The following PFKFB3 variants were observed in gnomAD, a reference collection of about 807,000 sequenced individuals.
The protein encoded by PFKFB3 is 6-phosphofructo-2-kinase/fructose-2,6-biphosphatase 3.
In PFKFB3, 33 loss-of-function variants were observed where a neutral mutation model predicts 68.0. That is an observed-to-expected ratio of 0.49 (90% CI 0.37 to 0.65). PFKFB3 has a LOEUF of 0.65. Among genes scored for constraint, PFKFB3 ranks in the 30% least tolerant of loss-of-function variants. PFKFB3 has a pLI of 0.00. For missense variants in PFKFB3, 586 were observed against 712.2 expected, an observed-to-expected ratio of 0.82 and a Z score of 2.02; for synonymous variants, 315 against 288.2, an observed-to-expected ratio of 1.09 and a Z score of -0.94.
At chr10:6,243,638 T>G (rs868790437) in intron 14 of PFKFB3, among the ~76,000 whole-genome samples, 2 of 152,220 alleles carry the variant, frequency 1.3e-5, no homozygotes, top group Non-Finnish European at 2.9e-5. Context: ...GCTCCTCAAA[T>G]GGAGTGGGGA....
At chr10:6,146,574 A>G (rs1011863355) in intron 1 of PFKFB3, 1 of 1,351,484 alleles carries the variant, frequency 7.4e-7, no homozygotes, top group African/African-American at 1.4e-5. Flanking sequence ...CATTAACTGC[A>G]GGGGACAATC....
At chr10:6,198,060 T>C (rs1367351639), upstream of PFKFB3, among the ~76,000 whole-genome samples, 1 of 150,172 alleles carries the variant, frequency 6.7e-6, no homozygotes, top group Non-Finnish European at 1.5e-5. Flanking sequence ...CTGGCCAACA[T>C]GGTGAAATGC....
chr10:6,206,726 A>T (rs1464285764), intron 1 of PFKFB3, among the ~76,000 whole-genome samples: 1 of 135,488 alleles, frequency 7.4e-6, no homozygotes, highest in Admixed American at 7.3e-5. Context: ...CCTAGATGGG[A>T]TGGCGGCCAG....
Position 6,229,807 on chromosome 10 carries a change from A to G in PFKFB3, c.1516-3088A>G, listed in dbSNP as rs1436495910. ...GGAAGAGAATTTTCCCCACCATGGCAGGGTAGGGGATGGTTTGGGGATAAA... is the reference window on the plus strand; with the variant it reads ...GGAAGAGAATTTTCCCCACCATGGCGGGGTAGGGGATGGTTTGGGGATAAA... On this transcript the variant is annotated intron_variant, in intron 14 of 14. Coordinates refer to ENST00000379775, the MANE Select transcript of PFKFB3 (RefSeq NM_004566.4). The surrounding 1 kb of genome is among the most constrained non-coding windows in gnomAD (Gnocchi z 4.3). Among the ~76,000 whole-genome samples the G allele has an allele frequency of 2.1e-4, 32 of 152,234 alleles. No individual in the cohort carries two copies. Among genetic ancestry groups the G allele is most frequent in the Non-Finnish European group, 2.5e-4 (17 of 68,004 alleles).
At chr10:6,224,702 G>A in intron 13 of PFKFB3, 2 of 319,036 alleles carry the variant, frequency 6.3e-6, no homozygotes, top group South Asian at 4.7e-5. Flanking sequence ...GCCCAGGCTG[G>A]TCTTGAACTC....
chr10:6,173,692 C>CT (rs1276765427), intron 1 of PFKFB3, among the ~76,000 whole-genome samples: 1 of 151,344 alleles, frequency 6.6e-6, no homozygotes, highest in African/African-American at 2.4e-5. Context: ...TGCAGGAAGG[C>CT]TTTTTTTGGG....
At chr10:6,253,219 A>G (rs904220887) in intron 14 of PFKFB3, among the ~76,000 whole-genome samples, 8 of 152,166 alleles carry the variant, frequency 5.3e-5, no homozygotes, top group South Asian at 2.1e-4. Flanking sequence ...TGCCCGGCCT[A>G]TATTTGGATC....
At chr10:6,196,444 T>C (rs941155635) in intron 1 of PFKFB3, among the ~76,000 whole-genome samples, 6 of 152,182 alleles carry the variant, frequency 3.9e-5, no homozygotes, top group African/African-American at 1.4e-4. Context: ...ATAGGCCGTC[T>C]GCAAGCTGAG....
At chr10:6,149,287 T>A (rs967469409) in intron 1 of PFKFB3, among the ~76,000 whole-genome samples, 6 of 152,032 alleles carry the variant, frequency 3.9e-5, no homozygotes. Context: ...GTGAAAGTTC[T>A]AATAATAAAT....
chr10:6,244,167 G>A (rs971616516), intron 14 of PFKFB3, among the ~76,000 whole-genome samples: 2 of 152,196 alleles, frequency 1.3e-5, no homozygotes, highest in Non-Finnish European at 2.9e-5. Context: ...TGGTGTCAGC[G>A]ATTTCTTCCT....
chr10:6,303,798 TAAAAAAAAA>T, the PFKFB3 span, among the ~76,000 whole-genome samples: 1 of 120,764 alleles, frequency 8.3e-6, no homozygotes, highest in African/African-American at 3.3e-5. Flanking sequence ...AGAGTCCATC[TAAAAAAAAA>T]AAAAAAAAGA....
chr10:6,178,674 G>T (rs1430956092), intron 1 of PFKFB3, among the ~76,000 whole-genome samples: 1 of 152,186 alleles, frequency 6.6e-6, no homozygotes, highest in Non-Finnish European at 1.5e-5. Flanking sequence ...TTTCCCCGGG[G>T]CCAGGGTGGG....
At chr10:6,261,112 C>T in the PFKFB3 span, among the ~76,000 whole-genome samples, 7 of 152,210 alleles carry the variant, frequency 4.6e-5, no homozygotes, top group African/African-American at 7.2e-5. Flanking sequence ...TATCTCTTCA[C>T]GATTTTAATT....
At chr10:6,281,154 T>G in the PFKFB3 span, among the ~76,000 whole-genome samples, 1 of 126,392 alleles carries the variant, frequency 7.9e-6, no homozygotes, top group Non-Finnish European at 1.8e-5. Context: ...TTATGGCTGA[T>G]TAGTATTCCA....
At chr10:6,224,127 G>A in intron 12 of PFKFB3, 22 bp from the exon 13 acceptor site, 1 of 1,614,038 alleles carries the variant, frequency 6.2e-7, no homozygotes, top group Non-Finnish European at 8.5e-7. Flanking sequence ...AGCTTCCTCT[G>A]CCCCCATCCC....
chr10:6,177,354 CTCTTTCTTTCTTTCTTTCTTTCTTTCTT>C (rs71294418), intron 1 of PFKFB3, among the ~76,000 whole-genome samples: 3 of 77,924 alleles, frequency 3.8e-5, no homozygotes. Context: ...CTTTTCTTTT[CTCTTTCTTTCTTTCTTTCTTTCTTTCTT>C]TCTTTCTTTC....
At chr10:6,172,250 A>T (rs183777644) in intron 1 of PFKFB3, among the ~76,000 whole-genome samples, 1 of 152,330 alleles carries the variant, frequency 6.6e-6, no homozygotes, top group East Asian at 1.9e-4. Context: ...GGTGTGGTGC[A>T]GCCTGAGAGA....
the PFKFB3 span, among the ~76,000 whole-genome samples, chr10:6,297,111 C>T: frequency 1.2e-4 from 19 of 152,326 alleles, no homozygotes; most frequent in East Asian, 2.7e-3. Context: ...CTTGCCTGGG[C>T]GTAACCAGGA....
At chr10:6,265,328 G>A in the PFKFB3 span, among the ~76,000 whole-genome samples, 2 of 152,038 alleles carry the variant, frequency 1.3e-5, no homozygotes, top group African/African-American at 2.4e-5. Context: ...TGATCTGCCT[G>A]CCTCAACCTC....
Sources: allele counts gnomAD v4.1 joint callset (sites outside exome capture counted in the v4.1 genomes callset), GRCh38; gene constraint gnomAD v4.1.1; non-coding constraint Gnocchi (gnomAD v3.1); transcripts MANE v1.5; gene names NCBI Gene and HGNC (gene_info 2026-07-23, HGNC 2026-07-21).